The following ADAMTS17 variants were observed in gnomAD, a reference collection of about 807,000 sequenced individuals.
ADAMTS17 encodes the protein ADAM metallopeptidase with thrombospondin type 1 motif 17, also known as A disintegrin and metalloproteinase with thrombospondin motifs 17.
In ADAMTS17, 113 loss-of-function variants were observed where a neutral mutation model predicts 141.5. That is an observed-to-expected ratio of 0.80 (90% CI 0.69 to 0.93). The LOEUF (loss-of-function observed/expected upper bound fraction) is 0.93. Ranked by LOEUF, ADAMTS17 falls within the 40% of genes least tolerant of loss-of-function variation. The probability of loss-of-function intolerance (pLI) is 0.00; values close to 1 mark genes in which losing one functional copy is unlikely to be tolerated. For missense variants in ADAMTS17, 1,659 were observed against 1,517.9 expected (o/e 1.09, Z -1.54); for synonymous variants, 768 against 630.6 (o/e 1.22, Z -3.27).
chr15:100,324,648 C>A (rs2045844591), intron 3 of ADAMTS17, among the ~76,000 whole-genome samples: 1 of 152,124 alleles, frequency 6.6e-6, no homozygotes, highest in Admixed American at 6.5e-5. Flanking sequence ...GCTCAAGAGG[C>A]AAGGATGGCA....
chr15:100,007,649 G>T (rs78277743), intron 18 of ADAMTS17, among the ~76,000 whole-genome samples: 1 of 152,114 alleles, frequency 6.6e-6, no homozygotes, highest in East Asian at 1.9e-4. Flanking sequence ...CTGAGCCCAA[G>T]AATGTTGGTG....
chr15:100,249,787 C>CA (rs749828615), intron 7 of ADAMTS17, among the ~76,000 whole-genome samples: 1 of 152,230 alleles, frequency 6.6e-6, no homozygotes, highest in Non-Finnish European at 1.5e-5. Context: ...CGCAGCGCCT[C>CA]AGAGTTTATT....
intron 18 of ADAMTS17, among the ~76,000 whole-genome samples, chr15:100,021,128 T>C (rs7162650): frequency 0.056 from 8,544 of 152,226 alleles, 796 homozygotes; most frequent in African/African-American, 0.2. Context: ...GAACAGGGCA[T>C]AGGGGACCCC....
At chr15:100,182,636 G>A (rs1567313724) in intron 8 of ADAMTS17, among the ~76,000 whole-genome samples, 1 of 152,186 alleles carries the variant, frequency 6.6e-6, no homozygotes, top group Non-Finnish European at 1.5e-5. Context: ...GGTACTGTGA[G>A]TGCTCACTTG....
chr15:100,088,830 A>C (rs950492127), intron 15 of ADAMTS17, among the ~76,000 whole-genome samples: 4 of 151,942 alleles, frequency 2.6e-5, no homozygotes, highest in African/African-American at 7.3e-5. Context: ...ACCTTATACA[A>C]AAATTAATTC....
At chr15:100,238,239 A>G (rs983194001) in intron 7 of ADAMTS17, among the ~76,000 whole-genome samples, 2 of 152,208 alleles carry the variant, frequency 1.3e-5, no homozygotes, top group African/African-American at 4.8e-5. Flanking sequence ...CACTCCAGGT[A>G]AAATTTCAGG....
At chr15:100,009,132 G>A (rs549784067) in intron 18 of ADAMTS17, among the ~76,000 whole-genome samples, 4 of 152,052 alleles carry the variant, frequency 2.6e-5, no homozygotes, top group African/African-American at 9.7e-5. Flanking sequence ...GAGCCACTGC[G>A]CCTGGCATAC....
chr15:100,010,517 A>T (rs2573660), intron 18 of ADAMTS17, among the ~76,000 whole-genome samples: 2 of 152,034 alleles, frequency 1.3e-5, no homozygotes, highest in African/African-American at 4.8e-5. Context: ...CTGCGAGCCT[A>T]TGGGTGAGAG....
At chr15:100,059,079 G>A (rs879681807) in intron 15 of ADAMTS17, among the ~76,000 whole-genome samples, 1 of 152,194 alleles carries the variant, frequency 6.6e-6, no homozygotes, top group Non-Finnish European at 1.5e-5. Context: ...CCTCTAATTG[G>A]CTCTCACAAG....
intron 15 of ADAMTS17, among the ~76,000 whole-genome samples, chr15:100,070,000 T>A (rs1269638686): frequency 6.7e-6 from 1 of 150,046 alleles, no homozygotes; most frequent in African/African-American, 2.5e-5. Flanking sequence ...AGGAAATCCA[T>A]CTCATGTGCA....
At chr15:100,282,588 T>C (rs2044320880) in intron 3 of ADAMTS17, among the ~76,000 whole-genome samples, 1 of 152,276 alleles carries the variant, frequency 6.6e-6, no homozygotes, top group African/African-American at 2.4e-5. Flanking sequence ...TCGCTCATTG[T>C]ACTGTACTCA....
At chr15:100,123,889 C>G (rs953716293) in intron 12 of ADAMTS17, among the ~76,000 whole-genome samples, 3 of 152,204 alleles carry the variant, frequency 2.0e-5, no homozygotes, top group Non-Finnish European at 4.4e-5. Flanking sequence ...CAGCCTGACT[C>G]ACTGACCAGT....
At chr15:100,026,457 G>A (rs376447827) in intron 18 of ADAMTS17, among the ~76,000 whole-genome samples, 90 of 152,242 alleles carry the variant, frequency 5.9e-4, no homozygotes, top group Admixed American at 1.7e-3. Context: ...ATGCTTATCC[G>A]CCATGTTGGC....
At chr15:100,272,806 C>T (rs1011256909) in intron 4 of ADAMTS17, among the ~76,000 whole-genome samples, 20 of 151,374 alleles carry the variant, frequency 1.3e-4, no homozygotes, top group African/African-American at 3.9e-4. Flanking sequence ...TCTTTCACCA[C>T]GGAGTGTATT....
chr15:100,281,254 C>T lies in ADAMTS17; in HGVS notation c.764G>A (p.Arg255Lys). 1 of 1,606,722 alleles carries T rather than the reference C, an allele frequency of 6.2e-7. No individual in the cohort carries two copies. The highest frequency in any genetic ancestry group is 1.1e-5 in the South Asian group (1 of 91,052). ...CATGTTCATGACGGTCAGGATGAACCTCTGGGCGGCCTCGGCCCCGTGGTA... is the reference window on the plus strand; with the variant it reads ...CATGTTCATGACGGTCAGGATGAACTTCTGGGCGGCCTCGGCCCCGTGGTA... Reference protein sequence around the residue: ...VQYHGAEAAQRFILTVMNMVY... With the variant: ...VQYHGAEAAQKFILTVMNMVY... The change falls in exon 4 of 22, where the codon AGG (arginine) becomes AAG (lysine). Residue 255 changes from arginine to lysine, a missense_variant. Physicochemically the swap from Arg to Lys is conservative, Grantham distance 26 (BLOSUM62 2). Transcript: ENST00000268070.
intron 7 of ADAMTS17, among the ~76,000 whole-genome samples, chr15:100,205,858 G>A (rs968799210): frequency 1.3e-5 from 2 of 152,208 alleles, no homozygotes; most frequent in Non-Finnish European, 2.9e-5. Flanking sequence ...AAGCCTCAGG[G>A]CCTGAAGGGT....
intron 7 of ADAMTS17, among the ~76,000 whole-genome samples, chr15:100,253,231 G>A (rs529545224): frequency 1.2e-4 from 18 of 150,564 alleles, no homozygotes; most frequent in Admixed American, 8.6e-4. Context: ...CATTGTGCCT[G>A]TATTAACCAA....
intron 3 of ADAMTS17, among the ~76,000 whole-genome samples, chr15:100,283,049 G>A (rs2044335435): frequency 7.0e-6 from 1 of 142,496 alleles, no homozygotes; most frequent in Non-Finnish European, 1.5e-5. Context: ...AGGTATTACT[G>A]TATTTTAAAG....
intron 7 of ADAMTS17, among the ~76,000 whole-genome samples, chr15:100,202,366 A>C (rs748654368): frequency 4.6e-5 from 7 of 152,244 alleles, no homozygotes; most frequent in Non-Finnish European, 8.8e-5. Flanking sequence ...TCTTGCACAA[A>C]GGTGGATCAA....
Sources: gnomAD v4.1 joint callset for allele counts (sites outside exome capture counted in the v4.1 genomes callset) on GRCh38, gnomAD v4.1.1 for gene constraint, MANE v1.5 for transcripts, NCBI Gene and HGNC (gene_info 2026-07-23, HGNC 2026-07-21) for gene names.